Variants in ZNF225 observed in about 807,000 individuals in gnomAD.
The protein encoded by ZNF225 is zinc finger protein 225.
A neutral mutation model predicts 12.0 loss-of-function variants in ZNF225; 6 were observed. That is an observed-to-expected ratio of 0.50 (90% CI 0.27 to 0.98). ZNF225 has a LOEUF of 0.98. ZNF225 is among the 50% of genes least tolerant of loss of function. The probability of loss-of-function intolerance (pLI) is 0.11; values close to 1 mark genes in which losing one functional copy is unlikely to be tolerated. For synonymous variants in ZNF225, 271 were observed against 283.2 expected (o/e 0.96, Z 0.43); for missense variants, 763 against 848.2 (o/e 0.90, Z 1.25).
chr19:44,128,313 C>T (rs773437916), intron 4 of ZNF225: 5 of 152,158 alleles, frequency 3.3e-5, no homozygotes, highest in African/African-American at 7.2e-5. Context: ...ATACAGATTT[C>T]GTACAGTCTT....
chr19:44,125,987 T>C (rs191643593), intron 4 of ZNF225, among the ~76,000 whole-genome samples: 1 of 152,340 alleles, frequency 6.6e-6, no homozygotes, highest in African/African-American at 2.4e-5. Context: ...CACCTTTCTC[T>C]GGTGCCTCCC....
chr19:44,113,863 G>A (rs1168165011), intron 1 of ZNF225, among the ~76,000 whole-genome samples: 1 of 152,176 alleles, frequency 6.6e-6, no homozygotes, highest in African/African-American at 2.4e-5. Flanking sequence ...AACTGAAAGC[G>A]GTAACACAAA....
intron 4 of ZNF225, among the ~76,000 whole-genome samples, chr19:44,121,065 T>G (rs1446645503): frequency 1.3e-5 from 2 of 152,078 alleles, no homozygotes; most frequent in Non-Finnish European, 2.9e-5. Flanking sequence ...CCCTGCTAAT[T>G]TTTTTTATAT....
At chr19:44,127,414 C>A (rs889212963) in intron 4 of ZNF225, among the ~76,000 whole-genome samples, 10 of 152,180 alleles carry the variant, frequency 6.6e-5, no homozygotes, top group African/African-American at 2.4e-4. Context: ...CAGGAGCAGT[C>A]CACTTCCTTC....
intron 4 of ZNF225, chr19:44,129,662 A>G (rs967205698): frequency 1.1e-4 from 16 of 152,196 alleles, no homozygotes; most frequent in Admixed American, 5.2e-4. Context: ...CATAAATCAC[A>G]TTGTTGGTCT....
chr19:44,127,041 A>G (rs776855802), intron 4 of ZNF225, among the ~76,000 whole-genome samples: 16 of 152,180 alleles, frequency 1.1e-4, no homozygotes, highest in Non-Finnish European at 1.8e-4. Context: ...CCCTCCCCCA[A>G]GTTCTGGCCA....
At position 44,131,717 on chromosome 19, in the gene ZNF225, G is replaced by A. The variant is rs1968265085; in HGVS notation, c.1103G>A (p.Gly368Glu). Residue 368 changes from glycine (G) to glutamate (E), a missense_variant, in exon 5 of 5, where the codon GGG becomes GAG. Physicochemically the swap from Gly to Glu is moderately conservative, Grantham distance 98. Transcript: ENST00000262894. The stretch of plus-strand genomic sequence containing the variant: ...TATAAGCATCAGATAGACCACACAG[G>A]GGAGAAGCCATATAATTGTAAAGAA... ...DLYKHQIDHT[G>E]EKPYNCKECG... is the part of the protein sequence containing the mutation. 1.2e-6 allele frequency: 2 copies of A among 1,614,206 alleles called. No individual in the cohort carries two copies. The highest frequency in any genetic ancestry group is 1.7e-6 in the Non-Finnish European group (2 of 1,180,022).
rs369104374 is a variant in ZNF225 at position 44,132,515 on chromosome 19, G to A, written c.1901G>A (p.Arg634Lys). 6.2e-7 allele frequency: 1 copy of A among 1,614,158 alleles called. No homozygotes were observed. ...TGTGAGAAGTGTGGAAAGAGCTTCA[G>A]ATGGGCCTCAACTCATCTAACCCAT... is the stretch of plus-strand genomic sequence containing the variant. The part of the protein sequence containing the change: ...YKCEKCGKSF[R>K]WASTHLTHQR... The change falls in exon 5 of 5, where the codon AGA becomes AAA. Residue 634 changes from arginine (R) to lysine (K), a missense_variant. By Grantham distance (26) the Arg-to-Lys change is conservative (BLOSUM62 2). Coordinates refer to ENST00000262894, the MANE Select transcript of ZNF225 (RefSeq NM_013362.4).
In ZNF225 at chr19:44,131,032, A is replaced by G. The variant is rs527358713; in HGVS notation, c.418A>G (p.Ile140Val). Reference protein sequence around the residue: ...MPCQVDAGLSIIHVRQKPSEG... With the variant: ...MPCQVDAGLSVIHVRQKPSEG... ...CTGCCAGGTTGATGCAGGACTATCTATAATTCACGTAAGACAGAAACCTTC... is the reference window on the plus strand; with the variant it reads ...CTGCCAGGTTGATGCAGGACTATCTGTAATTCACGTAAGACAGAAACCTTC... The change falls in exon 5 of 5, where the codon ATA (isoleucine) becomes GTA (valine). Residue 140 changes from isoleucine to valine, a missense_variant. Physicochemically the swap from Ile to Val is conservative, Grantham distance 29 (BLOSUM62 3). Coordinates refer to ENST00000262894, the MANE Select transcript of ZNF225 (RefSeq NM_013362.4). The G allele has an allele frequency of 6.8e-6, 11 of 1,614,088 alleles. No homozygotes were observed. The highest frequency in any genetic ancestry group is 4.5e-5 in the East Asian group (2 of 44,872).
At chr19:44,113,352 G>T (rs1446388163), upstream of ZNF225, 1 of 151,826 alleles carries the variant, frequency 6.6e-6, no homozygotes, top group Non-Finnish European at 1.5e-5. Flanking sequence ...CGGGGTCGTC[G>T]CGGTCAGTTT....
In ZNF225 at chr19:44,131,916, G is replaced by C. The variant is rs1381031314; in HGVS notation, c.1302G>C (p.Gly434=). The C allele has an allele frequency of 6.2e-7, 1 of 1,614,168 alleles. No individual in the cohort carries two copies. Among genetic ancestry groups the C allele is most frequent in the Admixed American group, 1.7e-5 (1 of 60,024 alleles). The part of the protein sequence containing the change: ...GEKPYRCEEC[G]KGYKRRLDLD... ...AGCCATATAGATGTGAGGAGTGTGG[G>C]AAGGGCTACAAAAGGAGGTTGGATC... The change falls in exon 5 of 5, where the codon GGG becomes GGC. Residue 434 remains glycine (G), a synonymous_variant. Coordinates refer to ENST00000262894, the MANE Select transcript of ZNF225 (RefSeq NM_013362.4).
At chr19:44,121,812 A>G (rs901167913) in intron 4 of ZNF225, among the ~76,000 whole-genome samples, 1 of 152,014 alleles carries the variant, frequency 6.6e-6, no homozygotes, top group African/African-American at 2.4e-5. Context: ...TTGTCTATTC[A>G]TGTTCTTAGC....
At chr19:44,118,636 A>G (rs1967992563) in intron 4 of ZNF225, 62 bp downstream of exon 4, 20 of 1,506,756 alleles carry the variant, frequency 1.3e-5, no homozygotes, top group African/African-American at 1.4e-5. Context: ...ACTTCTGTCC[A>G]TTGCCCAGCT....
At chr19:44,121,149 G>A (rs1380869764) in intron 4 of ZNF225, among the ~76,000 whole-genome samples, 1 of 152,014 alleles carries the variant, frequency 6.6e-6, no homozygotes, top group Non-Finnish European at 1.5e-5. Flanking sequence ...CACCCGCCTC[G>A]GCCTCCCAAA....
At chr19:44,124,465 C>T (rs760883200) in intron 4 of ZNF225, among the ~76,000 whole-genome samples, 22 of 152,068 alleles carry the variant, frequency 1.4e-4, no homozygotes, top group Non-Finnish European at 3.1e-4. Flanking sequence ...GTTCCATATG[C>T]TGTTGAATAG....
chr19:44,130,251 T>G (rs1968218949), intron 4 of ZNF225: 1 of 151,976 alleles, frequency 6.6e-6, no homozygotes, highest in Non-Finnish European at 1.5e-5. Flanking sequence ...GTGTAAAAAT[T>G]AGCTAGTTAT....
rs1968323266 is a variant in ZNF225, at chr19:44,133,180, T to C, written c.*445T>C. 1 of 157,762 alleles carries C rather than the reference T, an allele frequency of 6.3e-6. No individual in the cohort carries two copies. The allele number at this position is 157,762 out of a possible 1,614,324, so 9.8% of individuals were successfully genotyped here. A position where few individuals can be genotyped will look rare whatever the true frequency, so the allele number is the denominator to read the frequency against. On this transcript the variant is annotated 3_prime_UTR_variant, in exon 5 of 5. Coordinates refer to ENST00000262894, the MANE Select transcript of ZNF225 (RefSeq NM_013362.4). ...TGTGAGTGATAGAATTTTGTTGTTT[T>C]TCATGGCTAAATAGTACTCTGATGT...
At chr19:44,127,525 GAGTT>G (rs1968173187) in intron 4 of ZNF225, among the ~76,000 whole-genome samples, 1 of 152,206 alleles carries the variant, frequency 6.6e-6, no homozygotes, top group Admixed American at 6.5e-5. Context: ...CTGTCCGTCT[GAGTT>G]GGAGCTGCAA....
chr19:44,126,739 A>G, intron 4 of ZNF225, among the ~76,000 whole-genome samples: 1 of 152,040 alleles, frequency 6.6e-6, no homozygotes, highest in East Asian at 1.9e-4. Context: ...GATGTGGGTG[A>G]GGTTCCCAGG....
Sources: gnomAD v4.1 joint callset for allele counts (sites outside exome capture counted in the v4.1 genomes callset) on GRCh38, gnomAD v4.1.1 for gene constraint, MANE v1.5 for transcripts, NCBI Gene and HGNC (gene_info 2026-07-23, HGNC 2026-07-21) for gene names.